KLHL32: variants seen among roughly 807,000 people sequenced by gnomAD.
KLHL32 encodes the protein kelch like family member 32.
Under a neutral mutation model 64.8 loss-of-function variants are expected in KLHL32, and 35 were observed. The ratio of observed to expected loss-of-function variants is 0.54; its 90% CI spans 0.41 to 0.72. The LOEUF (loss-of-function observed/expected upper bound fraction) is 0.72, where lower values mean the gene tolerates loss of function less well. KLHL32 is among the 30% of genes least tolerant of loss of function. KLHL32 has a pLI of 0.00. For synonymous variants in KLHL32, 259 were observed against 281.0 expected, an observed-to-expected ratio of 0.92 and a Z score of 0.78; for missense variants, 589 against 768.5, an observed-to-expected ratio of 0.77 and a Z score of 2.76.
chr6:97,099,796 T>C (rs1795465992), intron 6 of KLHL32, among the ~76,000 whole-genome samples: 1 of 152,058 alleles, frequency 6.6e-6, no homozygotes, highest in Non-Finnish European at 1.5e-5. Flanking sequence ...TTGTTTGTAA[T>C]GATCCTTGTG....
chr6:96,994,673 G>C (rs1282271231), intron 3 of KLHL32: 1 of 953,902 alleles, frequency 1.0e-6, no homozygotes, highest in East Asian at 1.2e-4. Context: ...TGCGTGCAAA[G>C]TACTATGAGT....
intron 3 of KLHL32, among the ~76,000 whole-genome samples, chr6:97,009,324 T>G (rs1780072333): frequency 6.6e-6 from 1 of 152,090 alleles, no homozygotes. Flanking sequence ...TATTTTAAAT[T>G]TAAATGTTTC....
At chr6:96,973,867 G>A (rs1775401804) in intron 2 of KLHL32, among the ~76,000 whole-genome samples, 1 of 151,718 alleles carries the variant, frequency 6.6e-6, no homozygotes, top group Non-Finnish European at 1.5e-5. Flanking sequence ...GGATTAAGGT[G>A]CGCGCCACCA....
At chr6:97,106,710 C>T (rs1346569984) in intron 6 of KLHL32, among the ~76,000 whole-genome samples, 1 of 150,644 alleles carries the variant, frequency 6.6e-6, no homozygotes, top group Non-Finnish European at 1.5e-5. Context: ...CGCCACTGCA[C>T]TCCACTCCGG....
intron 4 of KLHL32, among the ~76,000 whole-genome samples, chr6:97,056,290 A>G (rs931067033): frequency 2.0e-5 from 3 of 151,878 alleles, no homozygotes; most frequent in Admixed American, 1.3e-4. Context: ...TATTTTTAGT[A>G]GAGTCGGGGT....
chr6:96,904,151 G>A, the KLHL32 span, among the ~76,000 whole-genome samples: 4 of 151,882 alleles, frequency 2.6e-5, no homozygotes, highest in Non-Finnish European at 5.9e-5. Context: ...AGACCAGCCT[G>A]GCCAACATAC....
chr6:96,990,955 T>C (rs1777791672), intron 3 of KLHL32, among the ~76,000 whole-genome samples: 1 of 151,930 alleles, frequency 6.6e-6, no homozygotes, highest in African/African-American at 2.4e-5. Flanking sequence ...TTCGGTTTTG[T>C]CTAGGAGCTC....
At chr6:97,122,543 C>T (rs1448230175) in intron 7 of KLHL32, among the ~76,000 whole-genome samples, 1 of 151,794 alleles carries the variant, frequency 6.6e-6, no homozygotes, top group Non-Finnish European at 1.5e-5. Context: ...TGAGTGTAGC[C>T]CTCTAAATAG....
chr6:97,025,121 G>A, intron 3 of KLHL32: 1 of 985,016 alleles, frequency 1.0e-6, no homozygotes, highest in Non-Finnish European at 1.2e-6. Flanking sequence ...AAGAGGAGAA[G>A]ACATCTGATC....
rs555535832 is a variant in KLHL32, at chr6:97,076,845, G to A, written c.412-8281G>A. On this transcript the variant is annotated intron_variant, in intron 5 of 10. Transcript: ENST00000369261. Reference sequence around the variant, plus strand: ...ACCTTTATTTAAATATTAAATAAATGTATTAATATTTAATAAATTATTTAC... The same window carrying A: ...ACCTTTATTTAAATATTAAATAAATATATTAATATTTAATAAATTATTTAC... Among the ~76,000 whole-genome samples the A allele has an allele frequency of 1.5e-3, 227 of 151,752 alleles. 1 individual carries two copies. Among genetic ancestry groups the A allele is most frequent in the African/African-American group, 5.3e-3 (218 of 41,456 alleles).
chr6:97,009,004 A>G (rs1316988046), intron 3 of KLHL32, among the ~76,000 whole-genome samples: 1 of 152,090 alleles, frequency 6.6e-6, no homozygotes, highest in Non-Finnish European at 1.5e-5. Context: ...CTCTGTTCAC[A>G]TACTTTCTGG....
chr6:97,111,039 G>GC lies in KLHL32; in HGVS notation c.628-2744_628-2743insC, dbSNP rs905632415. ...TACCACAGAAAAGTCTTGGGGGGGG[G>GC]GGGTCTTAGCCAACCACCTGTTACA... On this transcript the variant is annotated intron_variant, in intron 6 of 10. Coordinates refer to ENST00000369261, the MANE Select transcript of KLHL32 (RefSeq NM_052904.4). 3.3e-5 allele frequency among the ~76,000 whole-genome samples: 5 copies of GC among 150,980 alleles called. No homozygotes were observed. In the East Asian group the frequency reaches 7.7e-4, roughly 23 times the overall value.
intron 5 of KLHL32, among the ~76,000 whole-genome samples, chr6:97,066,737 T>C (rs1363689662): frequency 6.6e-6 from 1 of 152,198 alleles, no homozygotes; most frequent in East Asian, 1.9e-4. Flanking sequence ...CTTAGGATTA[T>C]AAAAATCACA....
At chr6:96,933,401 A>G (rs913626579) in intron 1 of KLHL32, among the ~76,000 whole-genome samples, 6 of 152,152 alleles carry the variant, frequency 3.9e-5, no homozygotes, top group African/African-American at 9.7e-5. Flanking sequence ...GTCAGCAGCT[A>G]TTGGTGTAAG....
At chr6:97,096,139 G>A (rs1020590890) in intron 6 of KLHL32, among the ~76,000 whole-genome samples, 3 of 151,970 alleles carry the variant, frequency 2.0e-5, no homozygotes, top group Non-Finnish European at 4.4e-5. Context: ...CACACCCAAC[G>A]TAGCTAATAA....
At chr6:97,002,716 T>G (rs1779191805) in intron 3 of KLHL32, among the ~76,000 whole-genome samples, 1 of 152,300 alleles carries the variant, frequency 6.6e-6, no homozygotes, top group Middle Eastern at 3.4e-3. Flanking sequence ...ATAAGTGAGA[T>G]CACGCAGTAT....
Position 97,040,647 on chromosome 6 carries a change from C to T in KLHL32, c.205-845C>T, listed in dbSNP as rs570454047. Among the ~76,000 whole-genome samples, 25 of 152,246 alleles carry T rather than the reference C, an allele frequency of 1.6e-4. No individual in the cohort carries two copies. In the East Asian group the frequency reaches 1.9e-3, roughly 12 times the overall value. On this transcript the variant is annotated intron_variant, in intron 3 of 10. Coordinates refer to ENST00000369261, the MANE Select transcript of KLHL32 (RefSeq NM_052904.4). ...GGCTACACTTTGAGAACAACTGAAA[C>T]GGAGTGTGTGATACATGGCTTTGTA... is the stretch of plus-strand genomic sequence containing the variant.
intron 10 of KLHL32, among the ~76,000 whole-genome samples, chr6:97,136,038 A>T (rs1210715069): frequency 6.6e-6 from 1 of 152,234 alleles, no homozygotes; most frequent in African/African-American, 2.4e-5. Context: ...TGCATACTAA[A>T]AATATAAAGG....
intron 3 of KLHL32, among the ~76,000 whole-genome samples, chr6:96,979,309 A>G (rs1776039587): frequency 6.6e-6 from 1 of 152,082 alleles, no homozygotes; most frequent in South Asian, 2.1e-4. Flanking sequence ...TCTTGAGTTG[A>G]TTTTTGTACC....
Sources: gnomAD v4.1 joint callset for allele counts (sites outside exome capture counted in the v4.1 genomes callset) on GRCh38, gnomAD v4.1.1 for gene constraint, MANE v1.5 for transcripts, NCBI Gene and HGNC (gene_info 2026-07-23, HGNC 2026-07-21) for gene names.